Variants in SPAG16 observed in about 807,000 individuals in gnomAD.
The protein encoded by SPAG16 is sperm associated antigen 16, also known as sperm-associated antigen 16 protein.
A neutral mutation model predicts 80.4 loss-of-function variants in SPAG16; 86 were observed. That is an observed-to-expected ratio of 1.07 (90% CI 0.90 to 1.28). The LOEUF (loss-of-function observed/expected upper bound fraction) is 1.28, where lower values mean the gene tolerates loss of function less well. Ranked by LOEUF, SPAG16 falls within the 50% of genes most tolerant of loss-of-function variation. SPAG16 has a pLI of 0.00. For missense variants in SPAG16, 870 were observed against 765.3 expected (o/e 1.14, Z -1.61); for synonymous variants, 294 against 265.9 (o/e 1.11, Z -1.03).
At chr2:213,944,998 A>G (rs921179047) in intron 12 of SPAG16, among the ~76,000 whole-genome samples, 4 of 152,086 alleles carry the variant, frequency 2.6e-5, no homozygotes, top group Admixed American at 1.3e-4. Flanking sequence ...AGATCGTGCC[A>G]TTGCCCTCCA....
In SPAG16 at chr2:213,359,567, C is replaced by T. The variant is rs570271134; in HGVS notation, c.763-4509C>T. On this transcript the variant is annotated intron_variant, in intron 7 of 15. Coordinates refer to ENST00000331683, the MANE Select transcript of SPAG16 (RefSeq NM_024532.5). Reference sequence around the variant, plus strand: ...GCAGTGAGCAAGGCTCTGTGGGCGTCGGACCTGCTGAGCCAGGCACGGGAG... The same window carrying T: ...GCAGTGAGCAAGGCTCTGTGGGCGTTGGACCTGCTGAGCCAGGCACGGGAG... Among the ~76,000 whole-genome samples, 779 of 152,316 alleles carry T rather than the reference C, an allele frequency of 5.1e-3. 1 individual carries two copies. Among genetic ancestry groups the T allele is most frequent in the Non-Finnish European group, 7.7e-3 (525 of 68,028 alleles).
intron 10 of SPAG16, among the ~76,000 whole-genome samples, chr2:213,725,313 T>C (rs957757502): frequency 1.3e-5 from 2 of 152,344 alleles, no homozygotes; most frequent in Admixed American, 6.5e-5. Flanking sequence ...CATGAACCAC[T>C]GCACTGAGCC....
At chr2:213,596,736 C>G (rs970856228) in intron 10 of SPAG16, among the ~76,000 whole-genome samples, 1 of 152,062 alleles carries the variant, frequency 6.6e-6, no homozygotes, top group Non-Finnish European at 1.5e-5. Context: ...ATTGAGCTCT[C>G]AGATCAGTAT....
In SPAG16 at chr2:213,783,046, C is replaced by G. The variant is rs987691600; in HGVS notation, c.1071-79439C>G. On this transcript the variant is annotated intron_variant, in intron 10 of 15. Coordinates refer to ENST00000331683, the MANE Select transcript of SPAG16 (RefSeq NM_024532.5). Reference sequence around the variant, plus strand: ...ATATCTCCCAATGCTATCCCTCCCCCCTCCCCCGACCCCACCACAGTCCCC... The same window carrying G: ...ATATCTCCCAATGCTATCCCTCCCCGCTCCCCCGACCCCACCACAGTCCCC... Among the ~76,000 whole-genome samples the G allele has an allele frequency of 6.0e-5, 8 of 133,462 alleles. No individual in the cohort carries two copies. In the South Asian group the frequency reaches 1.7e-3, roughly 29 times the overall value. The allele number at this position is 133,462 out of a possible 152,430, so 87.6% of individuals were successfully genotyped here.
chr2:213,988,435 A>G (rs1440093608), intron 12 of SPAG16, among the ~76,000 whole-genome samples: 2 of 152,164 alleles, frequency 1.3e-5, no homozygotes, highest in East Asian at 3.8e-4. Flanking sequence ...TTAGAAATCG[A>G]TAAAGATATC....
At chr2:213,969,065 A>C (rs546834283) in intron 12 of SPAG16, among the ~76,000 whole-genome samples, 1 of 152,220 alleles carries the variant, frequency 6.6e-6, no homozygotes, top group African/African-American at 2.4e-5. Flanking sequence ...GGATTTAAAA[A>C]GGGAAGAAAA....
intron 13 of SPAG16, among the ~76,000 whole-genome samples, chr2:214,063,964 A>G (rs1428949607): frequency 2.6e-5 from 4 of 152,212 alleles, no homozygotes; most frequent in Non-Finnish European, 5.9e-5. Flanking sequence ...TAGAAGTTCA[A>G]TAAATACCTG....
chr2:213,960,291 ACTT>A (rs1319912879), intron 12 of SPAG16, among the ~76,000 whole-genome samples: 1 of 150,238 alleles, frequency 6.7e-6, no homozygotes, highest in African/African-American at 2.5e-5. Context: ...TGCTTTCTCC[ACTT>A]CTTCTTTTAG....
intron 4 of SPAG16, among the ~76,000 whole-genome samples, chr2:213,312,498 C>T (rs1390795035): frequency 6.6e-6 from 1 of 151,680 alleles, no homozygotes; most frequent in East Asian, 1.9e-4. Flanking sequence ...TACATTCTTA[C>T]TTTTTTTGCC....
intron 10 of SPAG16, among the ~76,000 whole-genome samples, chr2:213,823,620 A>T (rs1193742640): frequency 6.6e-6 from 1 of 152,176 alleles, no homozygotes; most frequent in African/African-American, 2.4e-5. Flanking sequence ...TGGGCCTCCC[A>T]AAGTGCTCAG....
intron 15 of SPAG16, among the ~76,000 whole-genome samples, chr2:214,186,414 G>A (rs2057476652): frequency 6.6e-6 from 1 of 152,154 alleles, no homozygotes; most frequent in South Asian, 2.1e-4. Context: ...GAGAGGGGAA[G>A]ATGAAAGTCA....
chr2:213,753,963 C>T (rs922037745), intron 10 of SPAG16, among the ~76,000 whole-genome samples: 1 of 152,104 alleles, frequency 6.6e-6, no homozygotes, highest in South Asian at 2.1e-4. Context: ...TTCAGCAAGC[C>T]GTGACATAGG....
chr2:213,489,227 C>CT (rs1164398917), intron 9 of SPAG16, among the ~76,000 whole-genome samples: 20 of 152,034 alleles, frequency 1.3e-4, no homozygotes, highest in South Asian at 1.0e-3. Flanking sequence ...TTCATAACTT[C>CT]TTTTTTTGAG....
At chr2:213,286,177 C>G (rs1000460099) in intron 1 of SPAG16, among the ~76,000 whole-genome samples, 2 of 152,166 alleles carry the variant, frequency 1.3e-5, no homozygotes, top group African/African-American at 4.8e-5. Context: ...AATAATCACA[C>G]TTATTTGAAC....
chr2:213,522,079 A>G (rs1174010016), intron 10 of SPAG16, among the ~76,000 whole-genome samples: 4 of 152,232 alleles, frequency 2.6e-5, no homozygotes, highest in Admixed American at 2.0e-4. Flanking sequence ...GAGGTTCTAA[A>G]GATCTATAGC....
chr2:214,402,785 A>G (rs1036237527), intron 15 of SPAG16, among the ~76,000 whole-genome samples: 1 of 152,120 alleles, frequency 6.6e-6, no homozygotes, highest in Non-Finnish European at 1.5e-5. Context: ...TTTGTCACTT[A>G]TTCCCAGGAA....
At chr2:213,575,269 T>G (rs538119282) in intron 10 of SPAG16, among the ~76,000 whole-genome samples, 1 of 152,328 alleles carries the variant, frequency 6.6e-6, no homozygotes, top group South Asian at 2.1e-4. Flanking sequence ...AACAAGATAT[T>G]ACTTGCGAAT....
intron 7 of SPAG16, among the ~76,000 whole-genome samples, chr2:213,359,401 T>TA (rs61548703): frequency 0.22 from 33,125 of 152,108 alleles, 4,438 homozygotes; most frequent in Non-Finnish European, 0.31. Context: ...ATAGAGGCAG[T>TA]AGGCCTTGCT....
At chr2:213,796,688 C>A (rs2071054419) in intron 10 of SPAG16, among the ~76,000 whole-genome samples, 1 of 152,034 alleles carries the variant, frequency 6.6e-6, no homozygotes, top group African/African-American at 2.4e-5. Context: ...GTCAACAAAC[C>A]TGCTGCACTT....
Sources: gnomAD v4.1 joint callset for allele counts (sites outside exome capture counted in the v4.1 genomes callset) on GRCh38, gnomAD v4.1.1 for gene constraint, MANE v1.5 for transcripts, NCBI Gene and HGNC (gene_info 2026-07-23, HGNC 2026-07-21) for gene names.